The following YME1L1 variants were observed in gnomAD, a reference collection of about 807,000 sequenced individuals.
The protein encoded by YME1L1 is ATP-dependent zinc metalloprotease YME1L1.
Under a neutral mutation model 90.4 loss-of-function variants are expected in YME1L1, and 39 were observed. That is an observed-to-expected ratio of 0.43 (90% CI 0.33 to 0.56). The LOEUF (loss-of-function observed/expected upper bound fraction) is 0.56, where lower values mean the gene tolerates loss of function less well. YME1L1 is among the 20% of genes least tolerant of loss of function. YME1L1 has a pLI of 0.03. For missense variants in YME1L1, 617 were observed against 868.4 expected (o/e 0.71, Z 3.64); for synonymous variants, 284 against 287.3 (o/e 0.99, Z 0.12).
At chr10:27,140,396 G>A (rs1309638729) in intron 4 of YME1L1, among the ~76,000 whole-genome samples, 1 of 152,174 alleles carries the variant, frequency 6.6e-6, no homozygotes, top group Non-Finnish European at 1.5e-5. Context: ...TCATTACTGA[G>A]TGTCTGTAAT....
At chr10:27,116,597 CAG>C (rs1388243945) in intron 15 of YME1L1, among the ~76,000 whole-genome samples, 1 of 152,100 alleles carries the variant, frequency 6.6e-6, no homozygotes, top group Non-Finnish European at 1.5e-5. Flanking sequence ...AGCCAGGAGA[CAG>C]AGGTTGCAGT....
intron 9 of YME1L1, 91 bp from the exon 10 acceptor site, chr10:27,123,790 A>T (rs920531731): frequency 1.5e-6 from 2 of 1,340,682 alleles, no homozygotes; most frequent in African/African-American, 3.0e-5. Context: ...TCATTTATAT[A>T]ATTTTCAGGC....
At chr10:27,149,979 G>A (rs576667253) in intron 1 of YME1L1, among the ~76,000 whole-genome samples, 2 of 152,072 alleles carry the variant, frequency 1.3e-5, no homozygotes, top group East Asian at 3.9e-4. Context: ...GGGAGGCAGA[G>A]GCAGGAGAAT....
chr10:27,136,912 C>T (rs961374481), intron 4 of YME1L1, among the ~76,000 whole-genome samples: 12 of 151,450 alleles, frequency 7.9e-5, no homozygotes, highest in Non-Finnish European at 1.6e-4. Flanking sequence ...CGTGAGCCAC[C>T]GCGCCTGGCC....
intron 15 of YME1L1, among the ~76,000 whole-genome samples, chr10:27,117,195 T>C (rs1165767183): frequency 6.6e-6 from 1 of 152,224 alleles, no homozygotes; most frequent in Non-Finnish European, 1.5e-5. Flanking sequence ...TACTAAATGA[T>C]AAAAATCTTA....
chr10:27,113,198 T>A (rs2056775257), intron 18 of YME1L1, among the ~76,000 whole-genome samples: 1 of 107,214 alleles, frequency 9.3e-6, no homozygotes, highest in East Asian at 2.9e-4. Context: ...CCAGCCTGGG[T>A]GACAGGGCAA....
At chr10:27,113,950 T>TA (rs753554943) in intron 18 of YME1L1, among the ~76,000 whole-genome samples, 1,609 of 117,388 alleles carry the variant, frequency 0.014, 4 homozygotes, top group Non-Finnish European at 0.015. Context: ...TGAGACTCCA[T>TA]AAAAAAAAAA....
At chr10:27,131,763 C>G (rs1237665636) in intron 8 of YME1L1, 96 bp downstream of exon 8, 1 of 847,662 alleles carries the variant, frequency 1.2e-6, no homozygotes, top group African/African-American at 1.7e-5. Context: ...CACAATTTTA[C>G]CTATTCTAGA....
intron 2 of YME1L1, 52 bp from the exon 3 acceptor site, chr10:27,145,642 A>C (rs2057136710): frequency 1.4e-6 from 2 of 1,454,592 alleles, no homozygotes; most frequent in Admixed American, 1.9e-5. Flanking sequence ...AAGATATTTA[A>C]CCTAAGGAGT....
chr10:27,140,975 T>C (rs1286511813), intron 4 of YME1L1, among the ~76,000 whole-genome samples: 1 of 152,248 alleles, frequency 6.6e-6, no homozygotes, highest in Non-Finnish European at 1.5e-5. Flanking sequence ...TTCTTCTGTC[T>C]TCTGCATTAA....
intron 18 of YME1L1, among the ~76,000 whole-genome samples, chr10:27,113,697 A>G (rs1006695807): frequency 2.6e-5 from 4 of 151,342 alleles, no homozygotes; most frequent in East Asian, 3.9e-4. Flanking sequence ...AAGAAAAAAC[A>G]AAAACAAAAA....
At chr10:27,113,244 A>C (rs1209877383) in intron 18 of YME1L1, among the ~76,000 whole-genome samples, 1 of 146,778 alleles carries the variant, frequency 6.8e-6, no homozygotes, top group Non-Finnish European at 1.5e-5. Flanking sequence ...AAAAAAAAAA[A>C]AAAAAAAAAA....
chr10:27,153,333 A>T, intron 1 of YME1L1: 1 of 459,106 alleles, frequency 2.2e-6, no homozygotes, highest in Non-Finnish European at 4.4e-6. Context: ...AAAGTTACAC[A>T]AAGGAACACA....
At chr10:27,118,473 G>A (rs2056835644) in intron 14 of YME1L1, among the ~76,000 whole-genome samples, 1 of 151,940 alleles carries the variant, frequency 6.6e-6, no homozygotes, top group East Asian at 1.9e-4. Context: ...GGTAGAGATG[G>A]AGTCTTGCTA....
At chr10:27,131,157 T>C (rs533666792) in intron 8 of YME1L1, among the ~76,000 whole-genome samples, 1 of 152,310 alleles carries the variant, frequency 6.6e-6, no homozygotes, top group South Asian at 2.1e-4. Context: ...ACACTCCATT[T>C]AAAACTGTAA....
Position 27,110,297 on chromosome 10 carries a change from G to A in YME1L1, c.*1680C>T. Reference sequence around the variant, plus strand: ...AACAACTGGTAAATCTGGATGCAGGGTATATGAGACATCCATGTATTATGC... The same window carrying A: ...AACAACTGGTAAATCTGGATGCAGGATATATGAGACATCCATGTATTATGC... On this transcript the variant is annotated 3_prime_UTR_variant, in exon 19 of 19. Transcript: ENST00000376016. 1 of 152,160 alleles carries A rather than the reference G, an allele frequency of 6.6e-6. No homozygotes were observed. Among genetic ancestry groups the A allele is most frequent in the East Asian group, 1.9e-4 (1 of 5,194 alleles). The allele number at this position is 152,160 out of a possible 1,614,324, so 9.4% of individuals were successfully genotyped here.
chr10:27,126,782 TC>T lies in YME1L1; in HGVS notation c.862del (p.Glu288ArgfsTer14). ...NVTFEHVKGV[E>X]EAKQELQEVV... ...TTCCTGTAATTCTTGTTTAGCTTCCTCCACCTAAAGTGACACAATTTTCCAA... is the reference window on the plus strand; with the variant it reads ...TTCCTGTAATTCTTGTTTAGCTTCCTCACCTAAAGTGACACAATTTTCCAA... On this transcript the variant is annotated frameshift_variant, in exon 9 of 19. Coordinates refer to ENST00000376016, the MANE Select transcript of YME1L1 (RefSeq NM_014263.4). LOFTEE classifies it high-confidence loss of function. 1.3e-6 allele frequency: 2 copies of T among 1,578,892 alleles called. No individual in the cohort carries two copies. Among genetic ancestry groups the T allele is most frequent in the Non-Finnish European group, 1.7e-6 (2 of 1,163,376 alleles).
chr10:27,145,705 CTTTT>C (rs1371210949), intron 2 of YME1L1, 115 bp from the exon 3 acceptor site: 2 of 894,022 alleles, frequency 2.2e-6, no homozygotes, highest in Non-Finnish European at 3.1e-6. Context: ...AATATATTTC[CTTTT>C]TTTAATATTT....
chr10:27,147,400 C>G (rs750160951), intron 2 of YME1L1: 15 of 1,595,288 alleles, frequency 9.4e-6, no homozygotes, highest in African/African-American at 1.3e-5. Context: ...GCTGATGGAA[C>G]AAGTGAAAGA....
Sources: gnomAD v4.1 joint callset for allele counts (sites outside exome capture counted in the v4.1 genomes callset) on GRCh38, gnomAD v4.1.1 for gene constraint, MANE v1.5 for transcripts, NCBI Gene and HGNC (gene_info 2026-07-23, HGNC 2026-07-21) for gene names.